Variants in TENM2 observed in about 807,000 individuals in gnomAD.
TENM2 encodes the protein teneurin-2.
Under a neutral mutation model 245.2 loss-of-function variants are expected in TENM2, and 52 were observed. The observed-to-expected ratio is 0.21, with a 90% confidence interval of 0.17 to 0.27. The LOEUF (loss-of-function observed/expected upper bound fraction) is 0.27, where lower values mean the gene tolerates loss of function less well. Ranked by LOEUF, TENM2 falls within the 10% of genes least tolerant of loss-of-function variation. TENM2 has a pLI of 1.00. For missense variants in TENM2, 3,046 were observed against 3,666.8 expected, an observed-to-expected ratio of 0.83 and a Z score of 4.37; for synonymous variants, 1,363 against 1,438.9, an observed-to-expected ratio of 0.95 and a Z score of 1.19.
At chr5:167,107,179 T>C in the TENM2 span, among the ~76,000 whole-genome samples, 1 of 151,706 alleles carries the variant, frequency 6.6e-6, no homozygotes, top group East Asian at 1.9e-4. Flanking sequence ...GGAGAATTGC[T>C]TGAACCAGGG....
intron 24 of TENM2, among the ~76,000 whole-genome samples, chr5:168,227,394 T>C (rs772402330): frequency 6.6e-6 from 1 of 152,136 alleles, no homozygotes; most frequent in Non-Finnish European, 1.5e-5. Context: ...TGACTTCTTC[T>C]CTCCATTTTC....
chr5:167,429,681 A>G (rs1338822418), intron 2 of TENM2, among the ~76,000 whole-genome samples: 3 of 140,474 alleles, frequency 2.1e-5, no homozygotes, highest in Non-Finnish European at 4.5e-5. Flanking sequence ...ACCGCGGCTC[A>G]GTGCAACCTC....
chr5:167,444,117 A>G (rs1161991603), intron 2 of TENM2, among the ~76,000 whole-genome samples: 3 of 152,120 alleles, frequency 2.0e-5, no homozygotes, highest in Non-Finnish European at 2.9e-5. Context: ...GATTCTACTG[A>G]TTCAAGAAAA....
In TENM2 at chr5:167,832,664, A is replaced by G. The variant is rs550848157; in HGVS notation, c.503-43322A>G. ...GGATGGGGAGAGGAAAACAGGAAAG[A>G]AGAAGAAAAGTAAAAGAGGAAATAA... On this transcript the variant is annotated intron_variant, in intron 2 of 28. Coordinates refer to ENST00000518659, the Ensembl canonical transcript of TENM2. Among the ~76,000 whole-genome samples, 91 of 152,210 alleles carry G rather than the reference A, an allele frequency of 6.0e-4. 1 individual carries two copies. Among genetic ancestry groups the G allele is most frequent in the African/African-American group, 2.1e-3 (87 of 41,550 alleles).
the TENM2 span, among the ~76,000 whole-genome samples, chr5:167,139,934 G>A: frequency 1.3e-5 from 2 of 152,114 alleles, no homozygotes; most frequent in Non-Finnish European, 2.9e-5. Context: ...TAGTCATTTT[G>A]ACATATATTT....
At chr5:167,332,657 G>T (rs1384435716) in intron 1 of TENM2, among the ~76,000 whole-genome samples, 1 of 152,110 alleles carries the variant, frequency 6.6e-6, no homozygotes, top group Non-Finnish European at 1.5e-5. Context: ...GGAATATCCT[G>T]TGCAGAATTT....
intron 2 of TENM2, among the ~76,000 whole-genome samples, chr5:167,421,349 C>T (rs1213934488): frequency 6.6e-6 from 1 of 152,116 alleles, no homozygotes; most frequent in East Asian, 1.9e-4. Flanking sequence ...TTAACATTTC[C>T]AGTGTACACA....
At chr5:167,470,604 A>G (rs1451591348) in intron 2 of TENM2, among the ~76,000 whole-genome samples, 2 of 151,666 alleles carry the variant, frequency 1.3e-5, no homozygotes, top group Non-Finnish European at 2.9e-5. Context: ...TTATAATAAT[A>G]TTTTCTCACT....
chr5:167,585,312 G>A (rs1282046865), intron 2 of TENM2, among the ~76,000 whole-genome samples: 6 of 152,110 alleles, frequency 3.9e-5, no homozygotes, highest in African/African-American at 7.2e-5. Context: ...TGTTTGGAGG[G>A]TAGTCTAAAA....
intron 9 of TENM2, among the ~76,000 whole-genome samples, chr5:168,112,077 T>C (rs1049072304): frequency 6.6e-6 from 1 of 152,230 alleles, no homozygotes; most frequent in Non-Finnish European, 1.5e-5. Flanking sequence ...TAATTCTTTA[T>C]AATCAAATCT....
At chr5:167,774,680 A>G (rs2150787287) in intron 2 of TENM2, among the ~76,000 whole-genome samples, 1 of 152,340 alleles carries the variant, frequency 6.6e-6, no homozygotes, top group East Asian at 1.9e-4. Flanking sequence ...AAGAAACTAT[A>G]GGTAATATCC....
intron 3 of TENM2, among the ~76,000 whole-genome samples, chr5:167,939,379 T>C: frequency 6.6e-6 from 1 of 152,174 alleles, no homozygotes; most frequent in Non-Finnish European, 1.5e-5. Flanking sequence ...CAGTAATGCG[T>C]GTTCACCCTC....
chr5:167,019,814 C>T, the TENM2 span, among the ~76,000 whole-genome samples: 1 of 151,974 alleles, frequency 6.6e-6, no homozygotes, highest in Admixed American at 6.6e-5. Flanking sequence ...GATTTGGGGG[C>T]TCTTAAGCCC....
chr5:167,056,529 T>G, the TENM2 span, among the ~76,000 whole-genome samples: 1 of 143,276 alleles, frequency 7.0e-6, no homozygotes, highest in Admixed American at 7.0e-5. Context: ...TGTATATATC[T>G]ATATATCTAT....
rs756341543 is a variant in TENM2, at chr5:167,940,961, G to A, written c.713-11627G>A. ...GTTAGAAATGGAAATTATTTTCTCC[G>A]CCAAATCTGATTATTTCACGTGAGA... On this transcript the variant is annotated intron_variant, in intron 3 of 28. Transcript: ENST00000518659. 3.9e-5 allele frequency among the ~76,000 whole-genome samples: 6 copies of A among 152,158 alleles called. No homozygotes were observed. In the South Asian group the frequency reaches 8.3e-4, roughly 21 times the overall value.
chr5:167,488,854 T>C (rs1436682999), intron 2 of TENM2, among the ~76,000 whole-genome samples: 2 of 152,190 alleles, frequency 1.3e-5, no homozygotes, highest in African/African-American at 4.8e-5. Context: ...ACCTCTCAAG[T>C]GGTCCTAGCT....
intron 9 of TENM2, among the ~76,000 whole-genome samples, chr5:168,109,070 A>T (rs62383404): frequency 0.22 from 32,940 of 151,910 alleles, 3,802 homozygotes; most frequent in Non-Finnish European, 0.24. Flanking sequence ...TTGCCCTGAA[A>T]TCCTCATTAA....
chr5:167,731,753 C>T (rs943490972), intron 2 of TENM2, among the ~76,000 whole-genome samples: 1 of 135,118 alleles, frequency 7.4e-6, no homozygotes. Flanking sequence ...CCAAATGGTT[C>T]CAGACTACTG....
intron 1 of TENM2, among the ~76,000 whole-genome samples, chr5:167,328,277 G>GCT (rs1757215786): frequency 7.3e-6 from 1 of 137,490 alleles, no homozygotes; most frequent in South Asian, 2.3e-4. Flanking sequence ...TGCAATCTTG[G>GCT]CTCACTGCAA....
Sources: gnomAD v4.1 joint callset for allele counts (sites outside exome capture counted in the v4.1 genomes callset) on GRCh38, gnomAD v4.1.1 for gene constraint, MANE v1.5 for transcripts, NCBI Gene and HGNC (gene_info 2026-07-23, HGNC 2026-07-21) for gene names.